SI: variants seen among roughly 807,000 people sequenced by gnomAD.
SI encodes the protein sucrase-isomaltase.
In SI, 235 loss-of-function variants were observed where a neutral mutation model predicts 253.3. The observed-to-expected ratio is 0.93, with a 90% CI of 0.83 to 1.03. SI has a LOEUF of 1.03. SI is among the 50% of genes least tolerant of loss of function. The probability of loss-of-function intolerance (pLI) is 0.00; values close to 1 mark genes in which losing one functional copy is unlikely to be tolerated. For synonymous variants in SI, 819 were observed against 712.0 expected (o/e 1.15, Z -2.39); for missense variants, 2,442 against 2,211.1 (o/e 1.10, Z -2.09).
chr3:165,045,848 ATT>A (rs74590097), intron 16 of SI, among the ~76,000 whole-genome samples: 1,453 of 120,746 alleles, frequency 0.012, 13 homozygotes, highest in African/African-American at 0.042. Context: ...ATGTTTTTCA[ATT>A]TTTTTTTTTT....
intron 13 of SI, among the ~76,000 whole-genome samples, chr3:165,054,040 G>C (rs1371624060): frequency 6.6e-6 from 1 of 151,920 alleles, no homozygotes; most frequent in Admixed American, 6.6e-5. Flanking sequence ...CCAAATCCAT[G>C]TTGTCAGCAG....
At chr3:165,048,429 C>T (rs189579258) in intron 15 of SI, among the ~76,000 whole-genome samples, 115 of 150,906 alleles carry the variant, frequency 7.6e-4, no homozygotes, top group African/African-American at 2.7e-3. Context: ...GTTCTTGGGG[C>T]AATATTTTCC....
intron 37 of SI, among the ~76,000 whole-genome samples, chr3:165,002,162 C>T (rs1718284316): frequency 6.6e-6 from 1 of 151,626 alleles, no homozygotes; most frequent in South Asian, 2.1e-4. Flanking sequence ...TGTGTAGTTA[C>T]ATAATCCTTG....
chr3:165,053,918 C>A (rs919623030), intron 13 of SI, among the ~76,000 whole-genome samples: 1 of 151,854 alleles, frequency 6.6e-6, no homozygotes, highest in African/African-American at 2.4e-5. Context: ...CTACCAATTG[C>A]TAGTTATTAG....
chr3:165,050,471 G>A (rs1019224360), intron 13 of SI, among the ~76,000 whole-genome samples: 3 of 152,092 alleles, frequency 2.0e-5, no homozygotes, highest in African/African-American at 7.2e-5. Flanking sequence ...AAGAAATAGT[G>A]GTGGGATATT....
intron 1 of SI, among the ~76,000 whole-genome samples, chr3:165,077,662 G>T (rs1715089679): frequency 6.6e-6 from 1 of 151,590 alleles, no homozygotes; most frequent in Admixed American, 6.6e-5. Context: ...GTTGAGAAAT[G>T]ACAAAGTTAC....
rs570317548 is a variant in SI at position 164,979,252 on chromosome 3, A to G, written c.*110T>C. On this transcript the variant is annotated 3_prime_UTR_variant, in exon 48 of 48. Coordinates refer to ENST00000264382, the MANE Select transcript of SI (RefSeq NM_001041.4). ...CAAAATAACTTTTCGATGTTATGAA[A>G]GCTATATTTTGTAGAGTACAAGAAC... is the stretch of plus-strand genomic sequence containing the variant. 9.3e-6 allele frequency: 7 copies of G among 751,184 alleles called. No individual in the cohort carries two copies. Among genetic ancestry groups the G allele is most frequent in the Middle Eastern group, 2.3e-4 (1 of 4,270 alleles). 46.5% of individuals were successfully genotyped at this position (751,184 alleles called of 1,614,324 possible).
rs528535943 is a variant in SI at position 165,059,906 on chromosome 3, G to T, written c.1142C>A (p.Pro381Gln). Residue 381 changes from proline to glutamine, a missense_variant, in exon 10 of 48, where the codon CCA (proline) becomes CAA (glutamine). Physicochemically the swap from Pro to Gln is moderately conservative, Grantham distance 76. Coordinates refer to ENST00000264382, the MANE Select transcript of SI (RefSeq NM_001041.4). ...CGGACCCTTTATTCTACTTACAAAT[G>T]GTATGCCAGCTTCCCGGTTTCTCCT... ...VVRRNREAGI[P>Q]FDTQVTDIDY... The T allele has an allele frequency of 6.2e-7, 1 of 1,611,056 alleles. No individual in the cohort carries two copies. The highest frequency in any genetic ancestry group is 8.5e-7 in the Non-Finnish European group (1 of 1,177,824).
rs1714829324 is a variant in SI at position 165,074,674 on chromosome 3, GAGGAAAA to G, written c.119-14_119-8del. ...GAAGTAGAATCACTAATTTCTGGGG[GAGGAAAA>G]AACTCAATAAAATAAAACATGACAT... is the stretch of plus-strand genomic sequence containing the variant. On this transcript the variant is annotated splice_polypyrimidine_tract_variant and splice_region_variant and intron_variant, in intron 2 of 47. Transcript: ENST00000264382. 6.2e-7 allele frequency: 1 copy of G among 1,605,508 alleles called. No homozygotes were observed.
At position 164,998,560 on chromosome 3, in the gene SI, T is replaced by G; in HGVS notation, c.4520A>C (p.Asn1507Thr). Residue 1507 changes from asparagine (N) to threonine (T), a missense_variant, in exon 38 of 48, where the codon AAC becomes ACC. Physicochemically the swap from Asn to Thr is moderately conservative, Grantham distance 65. Transcript: ENST00000264382. ...WLGDNYARWD[N>T]MDKSIIGMME... ...CTTACCAATGATTGATTTGTCCATG[T>G]TGTCCCATCGTGCATAGTTGTCTCC... The G allele has an allele frequency of 6.2e-7, 1 of 1,612,236 alleles. No homozygotes were observed. The highest frequency in any genetic ancestry group is 8.5e-7 in the Non-Finnish European group (1 of 1,178,694).
chr3:165,011,602 C>T (rs775651047), intron 34 of SI, among the ~76,000 whole-genome samples: 71 of 152,016 alleles, frequency 4.7e-4, no homozygotes, highest in Admixed American at 9.8e-4. Flanking sequence ...GAAAGTTCTA[C>T]GTATGTCTGT....
upstream of SI, among the ~76,000 whole-genome samples, chr3:165,080,529 T>G (rs971383626): frequency 6.6e-6 from 1 of 151,968 alleles, no homozygotes; most frequent in Non-Finnish European, 1.5e-5. Context: ...TAGACTGGAT[T>G]AAGAAAATGT....
intron 8 of SI, 109 bp downstream of exon 8, chr3:165,063,333 C>A: frequency 1.1e-5 from 6 of 565,308 alleles, no homozygotes; most frequent in Admixed American, 3.0e-5. Context: ...TTAATATTAA[C>A]TATAATAGAG....
Position 164,996,520 on chromosome 3 carries a change from G to A in SI, c.4692+15C>T, listed in dbSNP as rs771169688. 30 of 1,258,558 alleles carry A rather than the reference G, an allele frequency of 2.4e-5. No homozygotes were observed. The highest frequency in any genetic ancestry group is 3.3e-5 in the Non-Finnish European group (28 of 856,790). The allele number at this position is 1,258,558 out of a possible 1,614,324, so 78.0% of individuals were successfully genotyped here. A position where few individuals can be genotyped will look rare whatever the true frequency, so the allele number is the denominator to read the frequency against. On this transcript the variant is annotated intron_variant, in intron 40 of 47. Transcript: ENST00000264382. Reference sequence around the variant, plus strand: ...AAGTAAGAAAATACTGAAAGTAAATGTAGTAATTACATACTCTAGTATTTG... The same window carrying A: ...AAGTAAGAAAATACTGAAAGTAAATATAGTAATTACATACTCTAGTATTTG...
At position 165,030,235 on chromosome 3, in the gene SI, C is replaced by T. The variant is rs369844962; in HGVS notation, c.2892+477G>A. On this transcript the variant is annotated intron_variant, in intron 25 of 47. Transcript: ENST00000264382. ...TGGTAAAAACACCTGCCATCCTCAG[C>T]CATCATCATTTTGTTAAAATGAAAG... is the stretch of plus-strand genomic sequence containing the variant. Among the ~76,000 whole-genome samples the T allele has an allele frequency of 2.6e-5, 4 of 150,970 alleles. No homozygotes were observed. In the East Asian group the frequency reaches 5.9e-4, roughly 22 times the overall value.
At chr3:165,064,252 A>T (rs1185717846) in intron 7 of SI, among the ~76,000 whole-genome samples, 1 of 152,060 alleles carries the variant, frequency 6.6e-6, no homozygotes, top group Non-Finnish European at 1.5e-5. Context: ...AAGAGCTGAC[A>T]TGATAGAGAC....
intron 19 of SI, 78 bp downstream of exon 19, chr3:165,039,809 T>G: frequency 1.0e-6 from 1 of 959,164 alleles, no homozygotes; most frequent in Non-Finnish European, 1.7e-6. Flanking sequence ...ACATCTATTA[T>G]TCAGATGTTT....
At chr3:165,048,251 A>T (rs1254544029) in intron 15 of SI, among the ~76,000 whole-genome samples, 2 of 152,034 alleles carry the variant, frequency 1.3e-5, no homozygotes, top group African/African-American at 2.4e-5. Context: ...GTATCACAGG[A>T]CCATAAACAA....
rs374136558 is a variant in SI, at chr3:165,042,247, A to G, written c.2004+812T>C. Among the ~76,000 whole-genome samples the G allele has an allele frequency of 2.6e-5, 4 of 152,262 alleles. No individual in the cohort carries two copies. In the East Asian group the frequency reaches 5.8e-4, roughly 22 times the overall value. ...AAAGTATCATTTCGGTGTATTAGGA[A>G]GAAACTAATCTCCAATTTGTACCTT... On this transcript the variant is annotated intron_variant, in intron 17 of 47. Transcript: ENST00000264382.
Sources: allele counts gnomAD v4.1 joint callset (sites outside exome capture counted in the v4.1 genomes callset), GRCh38; gene constraint gnomAD v4.1.1; transcripts MANE v1.5; gene names NCBI Gene and HGNC (gene_info 2026-07-23, HGNC 2026-07-21).